The following GALNS variants were observed in gnomAD, a reference collection of about 807,000 sequenced individuals.
GALNS encodes the protein N-acetylgalactosamine-6-sulfatase.
GALNS carries 65 observed loss-of-function variants against 65.9 expected under a neutral mutation model. That is an observed-to-expected ratio of 0.99 (90% CI 0.81 to 1.21). The LOEUF is 1.21. Among genes scored for constraint, GALNS ranks in the 50% most tolerant of loss-of-function variants. GALNS has a pLI of 0.00. For missense variants in GALNS, 776 were observed against 700.7 expected (o/e 1.11, Z -1.21); for synonymous variants, 346 against 288.9 (o/e 1.20, Z -2.00).
chr16:88,855,443 T>G, intron 1 of GALNS: 1 of 702,812 alleles, frequency 1.4e-6, no homozygotes, highest in Non-Finnish European at 2.6e-6. Context: ...GAGATGCCAC[T>G]CAGTGCAGAG....
Position 88,822,694 on chromosome 16 carries a change from G to A in GALNS, c.1259C>T (p.Pro420Leu), listed in dbSNP as rs752937387. 1.2e-6 allele frequency: 2 copies of A among 1,612,784 alleles called. No homozygotes were observed. Among genetic ancestry groups the A allele is most frequent in the Non-Finnish European group, 8.5e-7 (1 of 1,179,662 alleles). Reference sequence around the variant, plus strand: ...TGTGACCCCTGAAACGTTCTGCCCAGGGCAGAAATCAATGCCCTGCAATGA... The same window carrying A: ...TGTGACCCCTGAAACGTTCTGCCCAAGGCAGAAATCAATGCCCTGCAATGA... The part of the protein sequence containing the change: ...ENFRQGIDFC[P>L]GQNVSGVTTH... The change falls in exon 12 of 14, where the codon CCT becomes CTT. Residue 420 changes from proline (P) to leucine (L), a missense_variant. Pro to Leu is a moderately conservative substitution (Grantham distance 98, BLOSUM62 -3). Coordinates refer to ENST00000268695, the MANE Select transcript of GALNS (RefSeq NM_000512.5).
At chr16:88,836,695 C>T (rs922480700) in intron 5 of GALNS, among the ~76,000 whole-genome samples, 1 of 152,092 alleles carries the variant, frequency 6.6e-6, no homozygotes, top group Non-Finnish European at 1.5e-5. Context: ...GAAATGTCCA[C>T]TCAGGGAACA....
At chr16:88,830,693 A>G (rs1911410290) in intron 9 of GALNS, among the ~76,000 whole-genome samples, 1 of 152,196 alleles carries the variant, frequency 6.6e-6, no homozygotes, top group South Asian at 2.1e-4. Context: ...TTCCTGGGCC[A>G]GAGGAGATGC....
intron 13 of GALNS, chr16:88,816,933 C>T: frequency 1.0e-6 from 1 of 985,428 alleles, no homozygotes; most frequent in Non-Finnish European, 1.2e-6. Flanking sequence ...GAGCGACGGC[C>T]CAGGGGCCTC....
At position 88,814,368 on chromosome 16, in the gene GALNS, G is replaced by A; in HGVS notation, c.*71C>T. ...CAGGGTTGGGGGAGGACCGAGGCCA[G>A]AGCCATCCTTCCTCCAGGCACTTGC... On this transcript the variant is annotated 3_prime_UTR_variant, in exon 14 of 14. Transcript: ENST00000268695. 1 of 1,544,194 alleles carries A rather than the reference G, an allele frequency of 6.5e-7. No individual in the cohort carries two copies. Among genetic ancestry groups the A allele is most frequent in the Non-Finnish European group, 8.8e-7 (1 of 1,142,822 alleles).
Position 88,818,065 on chromosome 16 carries a change from T to A in GALNS, c.1424A>T (p.His475Leu), listed in dbSNP as rs1909823518. ...LSRITSVVQQHQEALVPAQPQ... is the reference protein window; with the variant it reads ...LSRITSVVQQLQEALVPAQPQ... ...CTGCGCGGGGACCAAGGCCTCCTGG[T>A]GCTGCTGGACGACCGAGGTGATCCT... The change falls in exon 13 of 14, where the codon CAC (histidine) becomes CTC (leucine). Residue 475 changes from histidine to leucine, a missense_variant. Coordinates refer to ENST00000268695, the MANE Select transcript of GALNS (RefSeq NM_000512.5). 1 of 1,577,586 alleles carries A rather than the reference T, an allele frequency of 6.3e-7. No homozygotes were observed. The highest frequency in any genetic ancestry group is 8.6e-7 in the Non-Finnish European group (1 of 1,167,268).
At chr16:88,826,266 G>A (rs1251553347) in intron 10 of GALNS, among the ~76,000 whole-genome samples, 3 of 144,404 alleles carry the variant, frequency 2.1e-5, no homozygotes, top group Non-Finnish European at 3.1e-5. Context: ...GCATGTGCCC[G>A]GGCTGCAGGC....
At chr16:88,826,180 G>A (rs1385531361) in intron 10 of GALNS, among the ~76,000 whole-genome samples, 1 of 144,900 alleles carries the variant, frequency 6.9e-6, no homozygotes, top group Non-Finnish European at 1.5e-5. Context: ...CTACAGACAG[G>A]GAACAGGGGT....
At chr16:88,852,806 T>G (rs1967567984) in intron 1 of GALNS, among the ~76,000 whole-genome samples, 1 of 152,200 alleles carries the variant, frequency 6.6e-6, no homozygotes, top group African/African-American at 2.4e-5. Flanking sequence ...ATCAAATTAA[T>G]TAGCCGAGTG....
chr16:88,822,776 G>A, intron 11 of GALNS, 66 bp from the exon 12 acceptor site: 1 of 1,584,686 alleles, frequency 6.3e-7, no homozygotes, highest in Admixed American at 1.7e-5. Context: ...GGCCTCGTCT[G>A]CCCGTGTCCT....
intron 5 of GALNS, among the ~76,000 whole-genome samples, chr16:88,836,531 G>A (rs1912159719): frequency 6.6e-6 from 1 of 152,202 alleles, no homozygotes; most frequent in Admixed American, 6.5e-5. Flanking sequence ...GCGCACGCCT[G>A]TAATCCCAGC....
At chr16:88,839,518 C>T (rs998900756) in intron 4 of GALNS, among the ~76,000 whole-genome samples, 15 of 152,362 alleles carry the variant, frequency 9.8e-5, no homozygotes, top group African/African-American at 3.4e-4. Context: ...TGCACACCCG[C>T]GTGGCTTCAT....
intron 4 of GALNS, 30 bp downstream of exon 4, chr16:88,840,962 C>T (rs756544563): frequency 9.7e-6 from 15 of 1,553,806 alleles, no homozygotes; most frequent in Admixed American, 6.7e-5. Flanking sequence ...TGGAGCAGGA[C>T]GCCTGGGCAG....
At chr16:88,856,510 T>C (rs1460993209) in intron 1 of GALNS, 2 of 697,630 alleles carry the variant, frequency 2.9e-6, no homozygotes, top group Non-Finnish European at 5.2e-6. Flanking sequence ...TGGTGATCGG[T>C]GACCGCCGAG....
At chr16:88,823,371 T>G (rs1910451277) in intron 11 of GALNS, among the ~76,000 whole-genome samples, 2 of 152,266 alleles carry the variant, frequency 1.3e-5, no homozygotes, top group South Asian at 4.1e-4. Context: ...CTCTTTCTGC[T>G]GCCCCTGGGC....
Position 88,835,825 on chromosome 16 carries a change from G to C in GALNS, c.658C>G (p.Gln220Glu). ...LQEALDFIKR[Q>E]ARHHPFFLYW... Reference sequence around the variant, plus strand: ...AGGAAAAAGGGGTGGTGCCGTGCCTGTCTCTTAATGAAGTCCAGGGCTTCC... The same window carrying C: ...AGGAAAAAGGGGTGGTGCCGTGCCTCTCTCTTAATGAAGTCCAGGGCTTCC... The change falls in exon 7 of 14, where the codon CAG (glutamine) becomes GAG (glutamate). Residue 220 changes from glutamine to glutamate, a missense_variant. By Grantham distance (29) the Gln-to-Glu change is conservative. Coordinates refer to ENST00000268695, the MANE Select transcript of GALNS (RefSeq NM_000512.5). 6.2e-7 allele frequency: 1 copy of C among 1,614,142 alleles called. No homozygotes were observed. Among genetic ancestry groups the C allele is most frequent in the African/African-American group, 1.3e-5 (1 of 75,064 alleles).
At chr16:88,847,734 C>T (rs570061123) in intron 1 of GALNS, among the ~76,000 whole-genome samples, 1 of 152,370 alleles carries the variant, frequency 6.6e-6, no homozygotes, top group East Asian at 1.9e-4. Context: ...AGTGAACTCA[C>T]TGGAAACTGG....
intron 1 of GALNS, 196 bp downstream of exon 1, chr16:88,856,562 C>T (rs1265115736): frequency 4.7e-6 from 3 of 643,684 alleles, no homozygotes; most frequent in South Asian, 3.1e-5. Context: ...GAGGGGCCTC[C>T]CCCTCCCCGC....
rs145798311 is a variant in GALNS at position 88,842,769 on chromosome 16, G to A, written c.181C>T (p.Arg61Trp). The A allele has an allele frequency of 2.0e-5, 33 of 1,613,014 alleles. No individual in the cohort carries two copies. The highest frequency in any genetic ancestry group is 9.3e-5 in the African/African-American group (7 of 74,918). Residue 61 changes from arginine (R) to tryptophan (W), a missense_variant, in exon 2 of 14, where the codon CGG becomes TGG. Coordinates refer to ENST00000268695, the MANE Select transcript of GALNS (RefSeq NM_000512.5). ...AAAAGCAGCCCTTCTGCAGCCATCC[G>A]GTCCAAATTCGGGGTCTCTCTGGAG... ...EPSRETPNLD[R>W]MAAEGLLFPN...
Sources: gnomAD v4.1 joint callset for allele counts (sites outside exome capture counted in the v4.1 genomes callset) on GRCh38, gnomAD v4.1.1 for gene constraint, MANE v1.5 for transcripts, NCBI Gene and HGNC (gene_info 2026-07-23, HGNC 2026-07-21) for gene names.